The following WSB2 variants were observed in gnomAD, a reference collection of about 807,000 sequenced individuals.
WSB2 encodes the protein WD repeat and SOCS box containing 2.
In WSB2, 12 loss-of-function variants were observed where a neutral mutation model predicts 48.8. The observed-to-expected ratio is 0.25, with a 90% CI of 0.16 to 0.40. The LOEUF (loss-of-function observed/expected upper bound fraction) is 0.40. WSB2 is among the 10% of genes least tolerant of loss of function. The pLI, the probability that WSB2 is intolerant of heterozygous loss-of-function variation, is 1.00. For missense variants in WSB2, 317 were observed against 506.2 expected (o/e 0.63, Z 3.59); for synonymous variants, 191 against 203.1 (o/e 0.94, Z 0.51).
intron 4 of WSB2, among the ~76,000 whole-genome samples, chr12:118,038,692 T>G (rs1395291473): frequency 6.6e-6 from 1 of 152,220 alleles, no homozygotes; most frequent in African/African-American, 2.4e-5. Context: ...TGTTTGTTTC[T>G]GAGATGGAGT....
At chr12:118,034,660 TG>T in intron 8 of WSB2, 1 of 489,848 alleles carries the variant, frequency 2.0e-6, no homozygotes, top group Admixed American at 3.7e-5. Flanking sequence ...TGCCACCTAC[TG>T]AATTATAGAT....
At chr12:118,044,308 C>T (rs555623743) in intron 2 of WSB2, among the ~76,000 whole-genome samples, 48 of 152,192 alleles carry the variant, frequency 3.2e-4, no homozygotes, top group Non-Finnish European at 6.2e-4. Context: ...TCAGTTTTTC[C>T]CATGAGTAAG....
At chr12:118,061,260 A>T (rs1422057307), upstream of WSB2, 2 of 867,854 alleles carry the variant, frequency 2.3e-6, no homozygotes, top group Admixed American at 1.3e-4. Context: ...CGGACGGGAT[A>T]AAAACGGTGG....
intron 6 of WSB2, 125 bp downstream of exon 6, chr12:118,036,213 A>C (rs1566135611): frequency 8.6e-7 from 1 of 1,161,150 alleles, no homozygotes; most frequent in East Asian, 2.4e-5. Context: ...AAAGAGACCC[A>C]CTGTGCCTTT....
rs539454513 is a variant in WSB2, at chr12:118,037,988, C to T, written c.660+300G>A. ...GAAATTTGGATTCACATGTGGGCTG[C>T]AACTTTTAAAATCTTAGACTCCAAG... is the stretch of plus-strand genomic sequence containing the variant. On this transcript the variant is annotated intron_variant, in intron 5 of 8. Coordinates refer to ENST00000315436, the MANE Select transcript of WSB2 (RefSeq NM_018639.5). The T allele has an allele frequency of 1.2e-5, 3 of 252,004 alleles. No individual in the cohort carries two copies. The South Asian group carries it at 3.3e-4, about 28-fold the overall frequency. 15.6% of individuals were successfully genotyped at this position (252,004 alleles called of 1,614,324 possible).
At chr12:118,042,280 G>C (rs1179287269) in intron 4 of WSB2, among the ~76,000 whole-genome samples, 2 of 152,314 alleles carry the variant, frequency 1.3e-5, no homozygotes, top group Middle Eastern at 3.4e-3. Flanking sequence ...AACCTGGGGA[G>C]ACCTTGCCCT....
rs554777147 is a variant in WSB2, at chr12:118,048,158, G to A, written c.182+4152C>T. ...TGCCCATGCTGATCTAGAACTCCTA[G>A]CCTCAAGTGATCCTCCCACTTCTGC... On this transcript the variant is annotated intron_variant, in intron 2 of 8. Coordinates refer to ENST00000315436, the MANE Select transcript of WSB2 (RefSeq NM_018639.5). Among the ~76,000 whole-genome samples, 22 of 152,098 alleles carry A rather than the reference G, an allele frequency of 1.4e-4. No individual in the cohort carries two copies. The East Asian group carries it at 3.5e-3, about 24-fold the overall frequency.
chr12:118,051,133 G>A (rs1220804209), intron 2 of WSB2, among the ~76,000 whole-genome samples: 2 of 152,010 alleles, frequency 1.3e-5, no homozygotes, highest in Non-Finnish European at 2.9e-5. Flanking sequence ...AAACCACTAT[G>A]AAATGCCACT....
At position 118,033,260 on chromosome 12, in the gene WSB2, A is replaced by G. The variant is rs941115636; in HGVS notation, c.*936T>C. 4.6e-5 allele frequency: 7 copies of G among 152,684 alleles called. No individual in the cohort carries two copies. In the East Asian group the frequency reaches 1.3e-3, roughly 29 times the overall value. The allele number at this position is 152,684 out of a possible 1,614,324, so 9.5% of individuals were successfully genotyped here. A position where few individuals can be genotyped will look rare whatever the true frequency, so the allele number is the denominator to read the frequency against. On this transcript the variant is annotated 3_prime_UTR_variant, in exon 9 of 9. Transcript: ENST00000315436. ...GATTAATCCAATGAAGTTAAACAGC[A>G]GAGACAGATCTCGTACATAAGAGTA...
chr12:118,039,319 G>C (rs892683590), intron 4 of WSB2, among the ~76,000 whole-genome samples: 1 of 152,184 alleles, frequency 6.6e-6, no homozygotes, highest in African/African-American at 2.4e-5. Flanking sequence ...CGTCCATATA[G>C]AGGATGGGTG....
chr12:118,045,290 G>A (rs1051504859), intron 2 of WSB2, among the ~76,000 whole-genome samples: 3 of 152,004 alleles, frequency 2.0e-5, no homozygotes, highest in Admixed American at 6.6e-5. Context: ...GCGTGAACCC[G>A]GGAGGCGGAG....
At chr12:118,050,153 C>T (rs2031822378) in intron 2 of WSB2, among the ~76,000 whole-genome samples, 1 of 151,942 alleles carries the variant, frequency 6.6e-6, no homozygotes, top group Admixed American at 6.6e-5. Context: ...CCATCGCACT[C>T]CAGCCCGGGC....
chr12:118,055,759 C>T (rs767812813), intron 1 of WSB2, among the ~76,000 whole-genome samples: 1 of 151,592 alleles, frequency 6.6e-6, no homozygotes, highest in Middle Eastern at 3.4e-3. Context: ...GGATTACAGG[C>T]GTGCACCACC....
At chr12:118,058,416 C>T (rs11068797) in intron 1 of WSB2, among the ~76,000 whole-genome samples, 19,783 of 151,656 alleles carry the variant, frequency 0.13, 1,974 homozygotes, top group East Asian at 0.42. Flanking sequence ...AGCACCATCA[C>T]GGCTCACTGC....
In WSB2 at chr12:118,038,291, C is replaced by G. The variant is rs766128534; in HGVS notation, c.657G>C (p.Lys219Asn). The part of the protein sequence containing the change: ...CSMLCSAAGE[K>N]SVFLWSMRSY... ...AGCAATAACGCTGGAGACTCACCGA[C>G]TTCTCTCCAGCTGCAGAGCACAGCA... Residue 219 changes from lysine to asparagine, a missense_variant, in exon 5 of 9, where the codon AAG becomes AAC. Around this residue, in one of 2 missense-constraint regions of WSB2, gnomAD observed 189 missense variants for 349.6 expected, o/e 0.54. Coordinates refer to ENST00000315436, the MANE Select transcript of WSB2 (RefSeq NM_018639.5). The G allele has an allele frequency of 1.2e-6, 2 of 1,613,160 alleles. No individual in the cohort carries two copies. The highest frequency in any genetic ancestry group is 4.5e-5 in the East Asian group (2 of 44,852).
At chr12:118,054,221 A>G (rs942839362) in intron 1 of WSB2, among the ~76,000 whole-genome samples, 1 of 147,512 alleles carries the variant, frequency 6.8e-6, no homozygotes. Flanking sequence ...AAAATCCAAA[A>G]AAAAAAAAAA....
chr12:118,041,670 C>T (rs2031638980), intron 4 of WSB2, among the ~76,000 whole-genome samples: 1 of 151,946 alleles, frequency 6.6e-6, no homozygotes, highest in Admixed American at 6.6e-5. Flanking sequence ...TCCTTCCAAT[C>T]CCTCCAGCCC....
rs796292236 is a variant in WSB2, at chr12:118,050,189, GA to G, written c.182+2120del. Reference sequence around the variant, plus strand: ...GACAGAGCGAGACTCCATCTCAAAAGAAAAAAAAAGAAACTACGCAACCAAG... The same window carrying G: ...GACAGAGCGAGACTCCATCTCAAAAGAAAAAAAAGAAACTACGCAACCAAG... On this transcript the variant is annotated intron_variant, in intron 2 of 8. Transcript: ENST00000315436. Among the ~76,000 whole-genome samples the G allele has an allele frequency of 3.3e-5, 5 of 150,350 alleles. No homozygotes were observed. The East Asian group carries it at 9.7e-4, about 29-fold the overall frequency.
At chr12:118,053,062 A>C (rs533525416) in intron 1 of WSB2, among the ~76,000 whole-genome samples, 30 of 152,214 alleles carry the variant, frequency 2.0e-4, no homozygotes, top group African/African-American at 7.2e-4. Flanking sequence ...TCTCACCCAG[A>C]TCTTTTGCTA....
Sources: gnomAD v4.1 joint callset for allele counts (sites outside exome capture counted in the v4.1 genomes callset) on GRCh38, gnomAD v4.1.1 for gene constraint, gnomAD v4.1.1 regional missense constraint, MANE v1.5 for transcripts, NCBI Gene and HGNC (gene_info 2026-07-23, HGNC 2026-07-21) for gene names.